The following PPEF2 variants were observed in gnomAD, a reference collection of about 807,000 sequenced individuals.
PPEF2 encodes protein phosphatase with EF-hand domain 2, also known as serine/threonine-protein phosphatase with EF-hands 2.
A neutral mutation model predicts 84.7 loss-of-function variants in PPEF2; 84 were observed. The ratio of observed to expected loss-of-function variants is 0.99; its 90% CI spans 0.83 to 1.19. The LOEUF (loss-of-function observed/expected upper bound fraction) is 1.19, where lower values mean the gene tolerates loss of function less well. Among genes scored for constraint, PPEF2 ranks in the 50% most tolerant of loss-of-function variants. PPEF2 has a pLI of 0.00. For synonymous variants in PPEF2, 346 were observed against 345.2 expected, an observed-to-expected ratio of 1.00 and a Z score of -0.03; for missense variants, 924 against 937.5, an observed-to-expected ratio of 0.99 and a Z score of 0.19.
rs1724419214 is a variant in PPEF2, at chr4:75,876,516, T to TA, written c.1090dup (p.Tyr364LeufsTer63). 7 of 1,614,020 alleles carry TA rather than the reference T, an allele frequency of 4.3e-6. No individual in the cohort carries two copies. The highest frequency in any genetic ancestry group is 5.9e-6 in the Non-Finnish European group (7 of 1,179,978). On this transcript the variant is annotated frameshift_variant, in exon 11 of 17. Transcript: ENST00000286719. LOFTEE classifies it high-confidence loss of function. ...GGACCTGCTGGTTTTCTGGGCCTTG[T>TA]AGGAGCCAAGCCGAAGGGGCGAAGA...
intron 11 of PPEF2, 103 bp downstream of exon 11, chr4:75,876,184 A>AAGAG (rs57801776): frequency 1 from 1,389,593 of 1,391,974 alleles, 693,650 homozygotes; most frequent in East Asian, 1. Flanking sequence ...TTACCCCAGA[A>AAGAG]AGAGAAAGAG....
chr4:75,871,972 T>C (rs1309174177), intron 13 of PPEF2, 53 bp downstream of exon 13: 1 of 1,507,696 alleles, frequency 6.6e-7, no homozygotes, highest in African/African-American at 1.4e-5. Flanking sequence ...ATTCAAAGAT[T>C]CTATGAACAC....
In PPEF2 at chr4:75,890,079, T is replaced by C. The variant is rs943252690; in HGVS notation, c.295A>G (p.Met99Val). 6.2e-7 allele frequency: 1 copy of C among 1,613,954 alleles called. No homozygotes were observed. The highest frequency in any genetic ancestry group is 1.1e-5 in the South Asian group (1 of 91,074). Residue 99 changes from methionine (M) to valine (V), a missense_variant, in exon 5 of 17, where the codon ATG becomes GTG. Transcript: ENST00000286719. ...TEDRFAQDSEMKKCSDYESIE... is the reference protein window; with the variant it reads ...TEDRFAQDSEVKKCSDYESIE... ...GATTCATAGTCACTGCATTTCTTCA[T>C]CTCGGAGTCCTGGGCGAATCTGTCC...
intron 10 of PPEF2, among the ~76,000 whole-genome samples, chr4:75,879,802 A>G (rs994413027): frequency 3.3e-5 from 5 of 150,872 alleles, no homozygotes; most frequent in Admixed American, 2.0e-4. Context: ...ATGCTTAAAT[A>G]TTACTTGAAT....
chr4:75,866,472 A>G (rs1282859938), intron 14 of PPEF2, 120 bp from the exon 15 acceptor site: 1 of 1,286,224 alleles, frequency 7.8e-7, no homozygotes, highest in South Asian at 1.3e-5. Flanking sequence ...AATAATGGGC[A>G]CTGTCACTAT....
At chr4:75,867,470 T>C in intron 13 of PPEF2, 51 bp from the exon 14 acceptor site, 1 of 1,293,420 alleles carries the variant, frequency 7.7e-7, no homozygotes, top group Non-Finnish European at 1.1e-6. Context: ...ATAGAAAAAA[T>C]ACTTAGAGAT....
Position 75,876,481 on chromosome 4 carries a change from G to A in PPEF2, c.1126C>T (p.Pro376Ser), listed in dbSNP as rs138339033. The change falls in exon 11 of 17, where the codon CCC (proline) becomes TCC (serine). Residue 376 changes from proline to serine, a missense_variant. By Grantham distance (74) the Pro-to-Ser change is moderately conservative. Transcript: ENST00000286719. ...AQKTSRSSSI[P>S]CSGSLDGREL... Reference sequence around the variant, plus strand: ...CGCCCGTCCAGGGAACCGCTGCAGGGGATGCTGGAGGACCTGCTGGTTTTC... The same window carrying A: ...CGCCCGTCCAGGGAACCGCTGCAGGAGATGCTGGAGGACCTGCTGGTTTTC... 1.7e-5 allele frequency: 28 copies of A among 1,613,852 alleles called. No homozygotes were observed. Among genetic ancestry groups the A allele is most frequent in the Non-Finnish European group, 2.1e-5 (25 of 1,179,916 alleles).
chr4:75,867,097 C>T (rs1035048170), intron 14 of PPEF2, among the ~76,000 whole-genome samples: 80 of 152,166 alleles, frequency 5.3e-4, no homozygotes, highest in African/African-American at 1.8e-3. Flanking sequence ...TTTTCACCCT[C>T]TCTATTTGGC....
intron 2 of PPEF2, among the ~76,000 whole-genome samples, 166 bp from the exon 3 acceptor site, chr4:75,892,144 T>C (rs2149228222): frequency 6.6e-6 from 1 of 152,354 alleles, no homozygotes; most frequent in Middle Eastern, 3.4e-3. Context: ...CCCTTTCTGC[T>C]GGCAATAGTG....
At chr4:75,871,196 A>G (rs1724264482) in intron 13 of PPEF2, among the ~76,000 whole-genome samples, 1 of 152,176 alleles carries the variant, frequency 6.6e-6, no homozygotes, top group South Asian at 2.1e-4. Context: ...CTGGGATTAC[A>G]GGCGTGAGCC....
At chr4:75,871,935 T>C in intron 13 of PPEF2, 90 bp downstream of exon 13, 1 of 1,370,978 alleles carries the variant, frequency 7.3e-7, no homozygotes, top group Non-Finnish European at 9.9e-7. Flanking sequence ...CACGTAGAAT[T>C]TGAATAAATA....
chr4:75,874,483 G>C (rs1221916141), intron 11 of PPEF2, among the ~76,000 whole-genome samples: 1 of 151,894 alleles, frequency 6.6e-6, no homozygotes, highest in Non-Finnish European at 1.5e-5. Context: ...TTTTAGTAGA[G>C]ACAGGATTTC....
intron 11 of PPEF2, among the ~76,000 whole-genome samples, chr4:75,874,970 C>T (rs1360447827): frequency 1.3e-5 from 2 of 149,812 alleles, no homozygotes; most frequent in Non-Finnish European, 2.9e-5. Flanking sequence ...GGCACGATCT[C>T]GGCTCACTGC....
At chr4:75,892,325 A>C (rs1248680643) in intron 2 of PPEF2, among the ~76,000 whole-genome samples, 1 of 152,166 alleles carries the variant, frequency 6.6e-6, no homozygotes, top group East Asian at 1.9e-4. Flanking sequence ...GATTGCAAGG[A>C]TGCAGCATCC....
Position 75,876,817 on chromosome 4 carries a change from G to A in PPEF2, c.934-144C>T, listed in dbSNP as rs1724430618. ...GCCCGGGAGTTCAAGACCAGCTTGA[G>A]CAACATGGCAAGACCGTGTCTCTAC... On this transcript the variant is annotated intron_variant, in intron 10 of 16. Coordinates refer to ENST00000286719, the MANE Select transcript of PPEF2 (RefSeq NM_006239.3). 5 of 824,598 alleles carry A rather than the reference G, an allele frequency of 6.1e-6. No individual in the cohort carries two copies. The African/African-American group carries it at 8.7e-5, about 14-fold the overall frequency. 51.1% of individuals were successfully genotyped at this position (824,598 alleles called of 1,614,324 possible).
At chr4:75,875,597 G>T (rs1225149396) in intron 11 of PPEF2, among the ~76,000 whole-genome samples, 1 of 152,094 alleles carries the variant, frequency 6.6e-6, no homozygotes, top group Non-Finnish European at 1.5e-5. Flanking sequence ...CAACTGGAGT[G>T]ACATTGTCTC....
chr4:75,866,950 A>G (rs1724145732), intron 14 of PPEF2, among the ~76,000 whole-genome samples: 1 of 152,232 alleles, frequency 6.6e-6, no homozygotes, highest in African/African-American at 2.4e-5. Flanking sequence ...ATAATAAATC[A>G]TGAAATACCT....
At chr4:75,884,925 A>G in intron 7 of PPEF2, 165 bp from the exon 8 acceptor site, 1 of 594,988 alleles carries the variant, frequency 1.7e-6, no homozygotes, top group Non-Finnish European at 2.8e-6. Flanking sequence ...AGTATCTTCT[A>G]TTGGTCTTAT....
chr4:75,870,898 T>TATTTA (rs1391351849), intron 13 of PPEF2, among the ~76,000 whole-genome samples: 1 of 150,824 alleles, frequency 6.6e-6, no homozygotes, highest in East Asian at 1.9e-4. Context: ...TTTATTTATT[T>TATTTA]ATTTATTTTT....
Sources: gnomAD v4.1 joint callset for allele counts (sites outside exome capture counted in the v4.1 genomes callset) on GRCh38, gnomAD v4.1.1 for gene constraint, MANE v1.5 for transcripts, NCBI Gene and HGNC (gene_info 2026-07-23, HGNC 2026-07-21) for gene names.